RGR: variants seen among roughly 807,000 people sequenced by gnomAD.
The protein encoded by RGR is RPE-retinal G protein-coupled receptor.
In RGR, 30 loss-of-function variants were observed where a neutral mutation model predicts 28.6. That is an observed-to-expected ratio of 1.05 (90% CI 0.78 to 1.42). RGR has a LOEUF of 1.42. RGR is among the 40% of genes most tolerant of loss of function. The probability of loss-of-function intolerance (pLI) is 0.00; values close to 1 mark genes in which losing one functional copy is unlikely to be tolerated. For synonymous variants in RGR, 180 were observed against 156.4 expected, an observed-to-expected ratio of 1.15 and a Z score of -1.13; for missense variants, 404 against 375.6, an observed-to-expected ratio of 1.08 and a Z score of -0.62.
chr10:84,248,666 T>G (rs1842777029), intron 2 of RGR: 1 of 591,850 alleles, frequency 1.7e-6, no homozygotes, highest in Non-Finnish European at 3.0e-6. Flanking sequence ...GACAGAGGGA[T>G]CTGATCACGC....
At chr10:84,247,522 CCA>C in intron 1 of RGR, 67 bp from the exon 2 acceptor site, 1 of 1,575,904 alleles carries the variant, frequency 6.3e-7, no homozygotes. Flanking sequence ...TCCATCCACC[CCA>C]CACACACTGT....
At chr10:84,248,375 C>A in intron 2 of RGR, 1 of 249,882 alleles carries the variant, frequency 4.0e-6, no homozygotes, top group Non-Finnish European at 7.4e-6. Flanking sequence ...CTGAAGCAGA[C>A]TGGACATTCT....
At position 84,254,309 on chromosome 10, in the gene RGR, A is replaced by C. The variant is rs202136872; in HGVS notation, c.513-17A>C. 2 of 1,609,380 alleles carry C rather than the reference A, an allele frequency of 1.2e-6. No individual in the cohort carries two copies. Among genetic ancestry groups the C allele is most frequent in the Non-Finnish European group, 1.7e-6 (2 of 1,175,944 alleles). On this transcript the variant is annotated splice_polypyrimidine_tract_variant and intron_variant, in intron 4 of 6. Transcript: ENST00000652092. ...CCCTGAGAGCTAACCCCAATCCTCC[A>C]CCCGCTCTCCCTGTAGAAACTTCAC...
chr10:84,252,572 G>T (rs894682169), intron 3 of RGR, among the ~76,000 whole-genome samples: 2 of 152,200 alleles, frequency 1.3e-5, no homozygotes, highest in African/African-American at 2.4e-5. Context: ...CTCTTCACTT[G>T]CCTGAGGCTC....
At chr10:84,254,221 G>C in intron 4 of RGR, 105 bp from the exon 5 acceptor site, 2 of 974,988 alleles carry the variant, frequency 2.1e-6, no homozygotes, top group Non-Finnish European at 3.3e-6. Context: ...GTCTGAATGG[G>C]GCATTTCCCC....
chr10:84,247,074 C>T (rs1842755313), intron 1 of RGR, among the ~76,000 whole-genome samples: 1 of 152,176 alleles, frequency 6.6e-6, no homozygotes, highest in Non-Finnish European at 1.5e-5. Flanking sequence ...AGCGAGGCAA[C>T]CAAGCCAAAA....
rs535981645 is a variant in RGR, at chr10:84,246,087, C to T, written c.79+918C>T. Among the ~76,000 whole-genome samples the T allele has an allele frequency of 2.0e-5, 3 of 152,330 alleles. No homozygotes were observed. In the South Asian group the frequency reaches 6.2e-4, roughly 32 times the overall value. ...CTTTCCTGAGAACCCTACAATCTAGCATCCTTCCAGGTCCTCAAACATGCC... is the reference window on the plus strand; with the variant it reads ...CTTTCCTGAGAACCCTACAATCTAGTATCCTTCCAGGTCCTCAAACATGCC... On this transcript the variant is annotated intron_variant, in intron 1 of 6. Coordinates refer to ENST00000652092, the MANE Select transcript of RGR (RefSeq NM_001012720.2).
rs753998077 is a variant in RGR, at chr10:84,257,917, A to G, written c.655A>G (p.Thr219Ala). The G allele has an allele frequency of 2.5e-6, 4 of 1,613,986 alleles. No homozygotes were observed. The highest frequency in any genetic ancestry group is 3.4e-6 in the Non-Finnish European group (4 of 1,180,026). ...LQVNTTLPAR[T>A]LLLGWGPYAI... ...GGTAAACACCACTCTGCCAGCAAGG[A>G]CGCTGCTGCTCGGCTGGGGCCCCTA... Residue 219 changes from threonine to alanine, a missense_variant, in exon 6 of 7, where the codon ACG becomes GCG. Physicochemically the swap from Thr to Ala is moderately conservative, Grantham distance 58. Coordinates refer to ENST00000652092, the MANE Select transcript of RGR (RefSeq NM_001012720.2).
chr10:84,246,756 A>G (rs1183996126), intron 1 of RGR, among the ~76,000 whole-genome samples: 1 of 152,202 alleles, frequency 6.6e-6, no homozygotes, highest in African/African-American at 2.4e-5. Flanking sequence ...AGGAATCTCT[A>G]TACTGTTTTC....
chr10:84,250,517 TACACACAC>T (rs34459757), intron 3 of RGR: 77,127 of 605,390 alleles, frequency 0.13, 1,992 homozygotes, highest in Middle Eastern at 0.17. Flanking sequence ...GACCATCTTA[TACACACAC>T]ACACACACAC....
chr10:84,251,842 G>C (rs1050357313), intron 3 of RGR, among the ~76,000 whole-genome samples: 1 of 152,124 alleles, frequency 6.6e-6, no homozygotes, highest in Non-Finnish European at 1.5e-5. Context: ...AATTTGAGGG[G>C]ACACAAACAT....
chr10:84,255,538 T>C (rs972055888), intron 5 of RGR: 2 of 152,176 alleles, frequency 1.3e-5, no homozygotes, highest in African/African-American at 2.4e-5. Context: ...TACTTCAAAA[T>C]AAGCCCTCCT....
At chr10:84,249,607 G>A (rs1023698168) in intron 3 of RGR, among the ~76,000 whole-genome samples, 6 of 152,220 alleles carry the variant, frequency 3.9e-5, no homozygotes, top group Non-Finnish European at 7.3e-5. Flanking sequence ...CACCGTACCC[G>A]GCTGAGATGA....
At chr10:84,258,031 A>G in intron 6 of RGR, 25 bp downstream of exon 6, 1 of 1,566,180 alleles carries the variant, frequency 6.4e-7, no homozygotes, top group Middle Eastern at 1.7e-4. Context: ...AGTACCTAAA[A>G]CTAGACCCCT....
chr10:84,245,315 G>A (rs1842734713), intron 1 of RGR, 146 bp downstream of exon 1: 1 of 705,176 alleles, frequency 1.4e-6, no homozygotes, highest in Admixed American at 2.6e-5. Flanking sequence ...TCTGTGCCCG[G>A]ACTCGGGGGG....
chr10:84,257,971 G>T lies in RGR; in HGVS notation c.709G>T (p.Ala237Ser). 6.2e-7 allele frequency: 1 copy of T among 1,614,172 alleles called. No homozygotes were observed. Among genetic ancestry groups the T allele is most frequent in the Non-Finnish European group, 8.5e-7 (1 of 1,180,036 alleles). ...YAILYLYAVI[A>S]DVTSISPKLQ... ...CATCCTGTATCTATACGCAGTCATC[G>T]CAGACGTGACTTCCATCTCCCCCAA... is the stretch of plus-strand genomic sequence containing the variant. Residue 237 changes from alanine to serine, a missense_variant, in exon 6 of 7, where the codon GCA (alanine) becomes TCA (serine). By Grantham distance (99) the Ala-to-Ser change is moderately conservative (BLOSUM62 1). Coordinates refer to ENST00000652092, the MANE Select transcript of RGR (RefSeq NM_001012720.2).
At chr10:84,258,367 C>A in intron 6 of RGR, 141 bp from the exon 7 acceptor site, 1 of 1,382,326 alleles carries the variant, frequency 7.2e-7, no homozygotes, top group South Asian at 1.2e-5. Flanking sequence ...GCATCTCCAC[C>A]AACTAGTCAG....
Position 84,258,590 on chromosome 10 carries a change from T to C in RGR, c.827T>C (p.Ile276Thr). 1 of 1,614,142 alleles carries C rather than the reference T, an allele frequency of 6.2e-7. No individual in the cohort carries two copies. Among genetic ancestry groups the C allele is most frequent in the Non-Finnish European group, 8.5e-7 (1 of 1,180,024 alleles). Reference protein sequence around the residue: ...ALGNEMVCRGIWQCLSPQKRE... With the variant: ...ALGNEMVCRGTWQCLSPQKRE... ...GGCAATGAGATGGTCTGCAGGGGAA[T>C]CTGGCAGTGCCTCTCACCGCAGAAG... Residue 276 changes from isoleucine to threonine, a missense_variant, in exon 7 of 7, where the codon ATC becomes ACC. Ile to Thr is a moderately conservative substitution (Grantham distance 89). Transcript: ENST00000652092.
chr10:84,257,789 C>T, intron 5 of RGR, 104 bp from the exon 6 acceptor site: 1 of 890,566 alleles, frequency 1.1e-6, no homozygotes, highest in East Asian at 2.6e-5. Flanking sequence ...GAAGCCTGGT[C>T]CATGCTGCCC....
Sources: allele counts gnomAD v4.1 joint callset (sites outside exome capture counted in the v4.1 genomes callset), GRCh38; gene constraint gnomAD v4.1.1; transcripts MANE v1.5; gene names NCBI Gene and HGNC (gene_info 2026-07-23, HGNC 2026-07-21).